Variants in PLA2G4F observed in about 807,000 individuals in gnomAD.
The protein encoded by PLA2G4F is cytosolic phospholipase A2 zeta.
PLA2G4F carries 105 observed loss-of-function variants against 103.1 expected under a neutral mutation model. That is an observed-to-expected ratio of 1.02 (90% CI 0.87 to 1.20). PLA2G4F has a LOEUF of 1.20. PLA2G4F is among the 50% of genes most tolerant of loss of function. The pLI is 0.00. For missense variants in PLA2G4F, 1,155 were observed against 1,075.9 expected (o/e 1.07, Z -1.03); for synonymous variants, 468 against 441.1 (o/e 1.06, Z -0.76).
chr15:42,146,905 T>C, intron 13 of PLA2G4F: 2 of 562,744 alleles, frequency 3.6e-6, no homozygotes, highest in African/African-American at 1.9e-5. Flanking sequence ...CACCCAGAGC[T>C]GAGCGCTGCG....
At chr15:42,152,261 C>T (rs1346296747) in intron 7 of PLA2G4F, among the ~76,000 whole-genome samples, 2 of 152,250 alleles carry the variant, frequency 1.3e-5, no homozygotes, top group Non-Finnish European at 2.9e-5. Context: ...TGTGACCAGG[C>T]TTAACAAGCG....
chr15:42,148,714 G>A lies in PLA2G4F; in HGVS notation c.1060-952C>T, dbSNP rs1051880716. The stretch of plus-strand genomic sequence containing the variant: ...CCAGAGGTTTTAAGGTCTCAGGATC[G>A]GAGGTGCCTGAGGGGTCAGAGTCCA... On this transcript the variant is annotated intron_variant, in intron 11 of 19. Transcript: ENST00000397272. The A allele has an allele frequency of 8.5e-5, 84 of 985,392 alleles. No individual in the cohort carries two copies. In the East Asian group the frequency reaches 2.2e-3, roughly 25 times the overall value. 61.0% of individuals were successfully genotyped at this position (985,392 alleles called of 1,614,324 possible).
intron 2 of PLA2G4F, 190 bp from the exon 3 acceptor site, chr15:42,154,648 T>A (rs2048994754): frequency 1.8e-6 from 1 of 563,498 alleles, no homozygotes; most frequent in Admixed American, 3.6e-5. Flanking sequence ...ACACCTCCCA[T>A]TCACCTGAAC....
chr15:42,149,650 C>T (rs2048932391), intron 11 of PLA2G4F, 63 bp downstream of exon 11: 1 of 1,600,052 alleles, frequency 6.2e-7, no homozygotes, highest in Non-Finnish European at 8.5e-7. Flanking sequence ...CTGGTCCTCT[C>T]AAGGGAAGAG....
chr15:42,142,250 T>C, intron 19 of PLA2G4F, 46 bp from the exon 20 acceptor site: 1 of 1,510,804 alleles, frequency 6.6e-7, no homozygotes, highest in African/African-American at 1.4e-5. Flanking sequence ...GAGCCCTCTG[T>C]GGAACTGGCT....
rs972758268 is a variant in PLA2G4F, at chr15:42,156,490, T to C, written c.60A>G (p.Ala20=). Residue 20 remains alanine, a synonymous_variant, in exon 1 of 20, where the codon GCA becomes GCG. Coordinates refer to ENST00000397272, the MANE Select transcript of PLA2G4F (RefSeq NM_213600.4). ...LADKMLPLLG[A]VLLQKREKRG... ...TCTTCTCTCTCTTCTGAAGCAGCAC[T>C]GCCCCCAGGAGGGGCAGCATCTTGT... The C allele has an allele frequency of 6.4e-7, 1 of 1,564,944 alleles. No individual in the cohort carries two copies. The highest frequency in any genetic ancestry group is 1.4e-5 in the African/African-American group (1 of 74,060).
In PLA2G4F at chr15:42,142,079, T is replaced by C. The variant is rs544780161; in HGVS notation, c.2455A>G (p.Ser819Gly). Reference protein sequence around the residue: ...PQDFYRLVALSRYNVLNNVET... With the variant: ...PQDFYRLVALGRYNVLNNVET... ...ACGTTGTTCAGGACGTTGTATCGAC[T>C]GAGGGCCACCAGCCGATAAAAGTCC... The change falls in exon 20 of 20, where the codon AGT becomes GGT. Residue 819 changes from serine (S) to glycine (G), a missense_variant. This residue lies in a region of PLA2G4F where 782 missense variants were observed against 692.9 expected (regional missense o/e 1.13). Transcript: ENST00000397272. 1.3e-4 allele frequency: 211 copies of C among 1,614,188 alleles called. 2 individuals are homozygous for C. The South Asian group carries it at 2.2e-3, about 17-fold the overall frequency.
At position 42,141,847 on chromosome 15, in the gene PLA2G4F, C is replaced by G; in HGVS notation, c.*137G>C. 2 of 876,180 alleles carry G rather than the reference C, an allele frequency of 2.3e-6. No homozygotes were observed. The highest frequency in any genetic ancestry group is 3.5e-6 in the Non-Finnish European group (2 of 575,310). 54.3% of individuals were successfully genotyped at this position (876,180 alleles called of 1,614,324 possible). A position where few individuals can be genotyped will look rare whatever the true frequency, so the allele number is the denominator to read the frequency against. On this transcript the variant is annotated 3_prime_UTR_variant, in exon 20 of 20. Transcript: ENST00000397272. ...GCAATTCTGCAAGAGCTTTCCGGGG[C>G]CTGGGGCACCTCGAGGCAGGTCCTG...
At position 42,149,076 on chromosome 15, in the gene PLA2G4F, C is replaced by G. The variant is rs934522443; in HGVS notation, c.1059+637G>C. ...GCACGCCTTTCCTCCTGCCTCCTGG[C>G]CACAGGCTGGCTGTCTCTATACCCA... On this transcript the variant is annotated intron_variant, in intron 11 of 19. Transcript: ENST00000397272. The G allele has an allele frequency of 1.6e-4, 154 of 985,400 alleles. No individual in the cohort carries two copies. In the Middle Eastern group the frequency reaches 1.6e-3, roughly 10 times the overall value. 61.0% of individuals were successfully genotyped at this position (985,400 alleles called of 1,614,324 possible).
Position 42,149,810 on chromosome 15 carries a change from G to C in PLA2G4F, c.962C>G (p.Ser321Cys), listed in dbSNP as rs776177133. The stretch of plus-strand genomic sequence containing the variant: ...GTCCAGAAACTCCTGCTCCCCGTCA[G>C]AGAGGTCAAAGCCAAGGCGTAGGTC... ...DLDLRLGFDL[S>C]DGEQEFLDRR... Residue 321 changes from serine to cysteine, a missense_variant, in exon 11 of 20, where the codon TCT becomes TGT. Ser to Cys is a moderately radical substitution (Grantham distance 112). Around this residue, in one of 3 missense-constraint regions of PLA2G4F, gnomAD observed 782 missense variants for 692.9 expected, o/e 1.13. Coordinates refer to ENST00000397272, the MANE Select transcript of PLA2G4F (RefSeq NM_213600.4). 1.2e-5 allele frequency: 20 copies of C among 1,614,208 alleles called. No individual in the cohort carries two copies. The highest frequency in any genetic ancestry group is 1.6e-5 in the Non-Finnish European group (19 of 1,180,036).
At position 42,142,196 on chromosome 15, in the gene PLA2G4F, G is replaced by A. The variant is rs150441632; in HGVS notation, c.2338C>T (p.Arg780Ter). 2.3e-4 allele frequency: 374 copies of A among 1,610,954 alleles called. No individual in the cohort carries two copies. The highest frequency in any genetic ancestry group is 9.9e-4 in the Middle Eastern group (6 of 6,040). The change falls in exon 20 of 20, where the codon CGA becomes TGA. Residue 780 changes from arginine to a stop codon, truncating the protein, a stop_gained. Coordinates refer to ENST00000397272, the MANE Select transcript of PLA2G4F (RefSeq NM_213600.4). LOFTEE classifies it low-confidence loss of function (END_TRUNC). ...AAGGCCTTCTCCTCAGCTGTTTGTC[G>A]CTCCACACCTGTGGGTGGGGGAAGC... ...FRTHLAPGVERQTAEEKAFGD... is the reference protein window; with the variant it reads ...FRTHLAPGVE
At position 42,149,575 on chromosome 15, in the gene PLA2G4F, G is replaced by C. The variant is rs1355436887; in HGVS notation, c.1059+138C>G. Reference sequence around the variant, plus strand: ...GGCCCTGGTCCCATATGGGGTCCTAGCTCTGCCGATGGTGCCCACAGCTCA... The same window carrying C: ...GGCCCTGGTCCCATATGGGGTCCTACCTCTGCCGATGGTGCCCACAGCTCA... On this transcript the variant is annotated intron_variant, in intron 11 of 19. Coordinates refer to ENST00000397272, the MANE Select transcript of PLA2G4F (RefSeq NM_213600.4). 6.3e-5 allele frequency: 91 copies of C among 1,451,094 alleles called. No individual in the cohort carries two copies. The Admixed American group carries it at 2.3e-3, about 36-fold the overall frequency. The allele number at this position is 1,451,094 out of a possible 1,614,324, so 89.9% of individuals were successfully genotyped here.
At chr15:42,143,284 A>G (rs1284874963) in intron 18 of PLA2G4F, among the ~76,000 whole-genome samples, 1 of 151,790 alleles carries the variant, frequency 6.6e-6, no homozygotes, top group African/African-American at 2.4e-5. Flanking sequence ...CCTCAACAGC[A>G]TTCCGCCATG....
At chr15:42,155,061 TAC>T (rs2140817889) in intron 2 of PLA2G4F, among the ~76,000 whole-genome samples, 1 of 151,074 alleles carries the variant, frequency 6.6e-6, no homozygotes, top group Admixed American at 6.6e-5. Context: ...CTGTCATGTA[TAC>T]AGACACACAT....
chr15:42,144,635 T>C lies in PLA2G4F; in HGVS notation c.1790A>G (p.Gln597Arg), dbSNP rs778346819. The change falls in exon 17 of 20, where the codon CAG becomes CGG. Residue 597 changes from glutamine to arginine, a missense_variant. Gln to Arg is a conservative substitution (Grantham distance 43, BLOSUM62 1). Coordinates refer to ENST00000397272, the MANE Select transcript of PLA2G4F (RefSeq NM_213600.4). Reference protein sequence around the residue: ...RGSVNITDDCQKPQLHNPSRL... With the variant: ...RGSVNITDDCRKPQLHNPSRL... ...CGAGGGGTTGTGCAGCTGAGGCTTCTGGCAGTCGTCTAGACAGGGGCGGGA... is the reference window on the plus strand; with the variant it reads ...CGAGGGGTTGTGCAGCTGAGGCTTCCGGCAGTCGTCTAGACAGGGGCGGGA... The C allele has an allele frequency of 1.9e-6, 3 of 1,595,514 alleles. No homozygotes were observed. The highest frequency in any genetic ancestry group is 2.6e-6 in the Non-Finnish European group (3 of 1,170,186).
chr15:42,150,929 A>G, intron 7 of PLA2G4F, 152 bp from the exon 8 acceptor site: 2 of 1,443,860 alleles, frequency 1.4e-6, no homozygotes, highest in Non-Finnish European at 1.8e-6. Flanking sequence ...AGCACTGCTC[A>G]TAGAGAAAGC....
chr15:42,147,273 C>A lies in PLA2G4F; in HGVS notation c.1270G>T (p.Val424Phe). 6.2e-7 allele frequency: 1 copy of A among 1,611,696 alleles called. No homozygotes were observed. The highest frequency in any genetic ancestry group is 1.3e-5 in the African/African-American group (1 of 74,942). Residue 424 changes from valine to phenylalanine, a missense_variant, in exon 13 of 20, where the codon GTT (valine) becomes TTT (phenylalanine). By Grantham distance (50) the Val-to-Phe change is conservative. This residue lies in a region of PLA2G4F where 782 missense variants were observed against 692.9 expected (regional missense o/e 1.13). Coordinates refer to ENST00000397272, the MANE Select transcript of PLA2G4F (RefSeq NM_213600.4). ...CCCATCTTACTGCTGCAGACGTGAA[C>A]CTGGGCACGCTCAATGGGGCCCTGC... ...ALQGPIERAQVHVCSSKMGAL... is the reference protein window; with the variant it reads ...ALQGPIERAQFHVCSSKMGAL...
chr15:42,155,687 T>C (rs1595626464), intron 1 of PLA2G4F, 98 bp from the exon 2 acceptor site: 1 of 1,232,430 alleles, frequency 8.1e-7, no homozygotes, highest in East Asian at 2.4e-5. Context: ...CAACCTGGCA[T>C]AGGGTCACTG....
At chr15:42,147,505 C>G in intron 12 of PLA2G4F, 121 bp downstream of exon 12, 1 of 1,403,758 alleles carries the variant, frequency 7.1e-7, no homozygotes, top group Non-Finnish European at 9.8e-7. Context: ...CTCTTCCTGC[C>G]CCTCCTAACA....
Sources: gnomAD v4.1 joint callset for allele counts (sites outside exome capture counted in the v4.1 genomes callset) on GRCh38, gnomAD v4.1.1 for gene constraint, gnomAD v4.1.1 regional missense constraint, MANE v1.5 for transcripts, NCBI Gene and HGNC (gene_info 2026-07-23, HGNC 2026-07-21) for gene names.